PEAK1: variants seen among roughly 807,000 people sequenced by gnomAD.
PEAK1 encodes the protein pseudopodium enriched atypical kinase 1, also known as inactive tyrosine-protein kinase PEAK1.
Under a neutral mutation model 124.7 loss-of-function variants are expected in PEAK1, and 54 were observed. That is an observed-to-expected ratio of 0.43 (90% CI 0.35 to 0.54). PEAK1 has a LOEUF of 0.54. Ranked by LOEUF, PEAK1 falls within the 20% of genes least tolerant of loss-of-function variation. The pLI is 0.01. For synonymous variants in PEAK1, 719 were observed against 760.0 expected (o/e 0.95, Z 0.89); for missense variants, 2,046 against 2,134.5 (o/e 0.96, Z 0.82).
chr15:77,224,139 T>C (rs2059523378), intron 6 of PEAK1, among the ~76,000 whole-genome samples: 1 of 151,826 alleles, frequency 6.6e-6, no homozygotes, highest in South Asian at 2.1e-4. Context: ...AGTAGTTTTT[T>C]TTTTTCTACT....
At chr15:77,260,446 A>T (rs1286933988) in intron 5 of PEAK1, among the ~76,000 whole-genome samples, 1 of 152,022 alleles carries the variant, frequency 6.6e-6, no homozygotes, top group Non-Finnish European at 1.5e-5. Context: ...GAAACCCAGA[A>T]ATGATAGAAA....
At chr15:77,362,747 A>G (rs890753757) in intron 2 of PEAK1, among the ~76,000 whole-genome samples, 10 of 152,256 alleles carry the variant, frequency 6.6e-5, no homozygotes, top group African/African-American at 2.2e-4. Flanking sequence ...AATAGCCAAA[A>G]AAGTGGAAAC....
At chr15:77,400,105 A>C (rs1050273689) in intron 1 of PEAK1, among the ~76,000 whole-genome samples, 3 of 152,160 alleles carry the variant, frequency 2.0e-5, no homozygotes, top group Admixed American at 6.5e-5. Context: ...AATCAATCAG[A>C]TATCCTCTCA....
chr15:77,175,460 C>T (rs1259176924), intron 7 of PEAK1, among the ~76,000 whole-genome samples: 5 of 151,282 alleles, frequency 3.3e-5, no homozygotes, highest in African/African-American at 9.7e-5. Context: ...ACAGACACTT[C>T]TCAAAAGAAG....
chr15:77,264,858 T>C (rs932729936), intron 5 of PEAK1, among the ~76,000 whole-genome samples: 10 of 151,416 alleles, frequency 6.6e-5, no homozygotes, highest in South Asian at 6.2e-4. Context: ...CAAACTATAC[T>C]ACAAGGCTAC....
At chr15:77,400,027 A>C (rs2142002062) in intron 1 of PEAK1, among the ~76,000 whole-genome samples, 1 of 152,326 alleles carries the variant, frequency 6.6e-6, no homozygotes, top group Middle Eastern at 3.4e-3. Context: ...TATTTCTCAA[A>C]AGACATGCAA....
chr15:77,403,963 C>T (rs914444258), intron 1 of PEAK1: 13 of 963,788 alleles, frequency 1.3e-5, no homozygotes, highest in Middle Eastern at 5.3e-4. Flanking sequence ...GGGTAAACTG[C>T]GTGTCACAAG....
intron 7 of PEAK1, among the ~76,000 whole-genome samples, chr15:77,162,440 G>A (rs1370614890): frequency 1.5e-5 from 2 of 137,412 alleles, no homozygotes; most frequent in African/African-American, 5.6e-5. Flanking sequence ...GTTGCAGTGA[G>A]CCAAGATTGT....
intron 1 of PEAK1, among the ~76,000 whole-genome samples, chr15:77,386,218 G>C (rs2069923886): frequency 6.6e-6 from 1 of 152,196 alleles, no homozygotes; most frequent in Non-Finnish European, 1.5e-5. Context: ...GCAAGTTGCA[G>C]AACCAGATGT....
chr15:77,402,441 T>C, intron 1 of PEAK1: 6 of 985,260 alleles, frequency 6.1e-6, no homozygotes, highest in Non-Finnish European at 7.2e-6. Context: ...GTCTTCAATG[T>C]CACTGCATAT....
At chr15:77,157,649 T>C (rs2055272427) in intron 8 of PEAK1, 1 of 152,236 alleles carries the variant, frequency 6.6e-6, no homozygotes. Context: ...TTTACTTTTT[T>C]GAGTCTGCTT....
chr15:77,181,672 T>C lies in PEAK1; in HGVS notation c.255A>G (p.Ile85Met), dbSNP rs757266602. The C allele has an allele frequency of 6.2e-7, 1 of 1,614,136 alleles. No homozygotes were observed. Among genetic ancestry groups the C allele is most frequent in the Non-Finnish European group, 8.5e-7 (1 of 1,180,012 alleles). Reference protein sequence around the residue: ...PTMIVADGQSICGELSIQEHC... With the variant: ...PTMIVADGQSMCGELSIQEHC... The stretch of plus-strand genomic sequence containing the variant: ...GTTCTTGGATGCTAAGCTCACCACA[T>C]ATACTTTGCCCATCTGCCACTATCA... Residue 85 changes from isoleucine (I) to methionine (M), a missense_variant, in exon 7 of 10, where the codon ATA becomes ATG. By Grantham distance (10) the Ile-to-Met change is conservative. Coordinates refer to ENST00000682557, the MANE Select transcript of PEAK1 (RefSeq NM_001385026.1).
At chr15:77,225,629 ATGTGTGTGTGTG>A (rs146458404) in intron 6 of PEAK1, among the ~76,000 whole-genome samples, 28 of 115,780 alleles carry the variant, frequency 2.4e-4, no homozygotes, top group African/African-American at 6.1e-4. Context: ...CTTTCTACAG[ATGTGTGTGTGTG>A]TGTGTGTGTG....
At position 77,115,333 on chromosome 15, in the gene PEAK1, A is replaced by G; in HGVS notation, c.4078-14T>C. 2 of 1,595,716 alleles carry G rather than the reference A, an allele frequency of 1.3e-6. No homozygotes were observed. The highest frequency in any genetic ancestry group is 1.3e-5 in the African/African-American group (1 of 74,514). Reference sequence around the variant, plus strand: ...GCTCTTACAGATCTGAAAGATAATAAAACAATTCAAAACTCACACTCTCAT... The same window carrying G: ...GCTCTTACAGATCTGAAAGATAATAGAACAATTCAAAACTCACACTCTCAT... On this transcript the variant is annotated splice_polypyrimidine_tract_variant and intron_variant, in intron 9 of 9. Coordinates refer to ENST00000682557, the MANE Select transcript of PEAK1 (RefSeq NM_001385026.1).
intron 6 of PEAK1, among the ~76,000 whole-genome samples, chr15:77,216,800 C>G (rs2059168344): frequency 6.6e-6 from 1 of 152,056 alleles, no homozygotes; most frequent in Non-Finnish European, 1.5e-5. Flanking sequence ...CAACGGGGGC[C>G]AAAACCATTA....
intron 1 of PEAK1, among the ~76,000 whole-genome samples, chr15:77,383,482 T>A (rs1222473270): frequency 2.6e-5 from 4 of 152,208 alleles, no homozygotes; most frequent in African/African-American, 9.6e-5. Flanking sequence ...CATAAAAATG[T>A]GATAACCCTA....
chr15:77,394,337 G>A (rs1283687620), intron 1 of PEAK1, among the ~76,000 whole-genome samples: 1 of 152,220 alleles, frequency 6.6e-6, no homozygotes, highest in Non-Finnish European at 1.5e-5. Flanking sequence ...CCGGTGCCAT[G>A]CTGACCGCAG....
intron 3 of PEAK1, among the ~76,000 whole-genome samples, chr15:77,286,112 C>A (rs976627742): frequency 6.6e-6 from 1 of 152,080 alleles, no homozygotes; most frequent in African/African-American, 2.4e-5. Context: ...GCCTTCATTT[C>A]GTTATTTACC....
chr15:77,237,234 G>A (rs187597675), intron 6 of PEAK1, among the ~76,000 whole-genome samples: 63 of 152,080 alleles, frequency 4.1e-4, no homozygotes, highest in African/African-American at 1.4e-3. Flanking sequence ...ACAAGATAAA[G>A]TACAAAAAGT....
Sources: allele counts gnomAD v4.1 joint callset (sites outside exome capture counted in the v4.1 genomes callset), GRCh38; gene constraint gnomAD v4.1.1; transcripts MANE v1.5; gene names NCBI Gene and HGNC (gene_info 2026-07-23, HGNC 2026-07-21).